Variants in AK8 observed in about 807,000 individuals in gnomAD.
AK8 encodes the protein adenylate kinase 8.
In AK8, 44 loss-of-function variants were observed where a neutral mutation model predicts 54.6. The ratio of observed to expected loss-of-function variants is 0.81; its 90% CI spans 0.63 to 1.04. The LOEUF (loss-of-function observed/expected upper bound fraction) is 1.04. AK8 is among the 50% of genes least tolerant of loss of function. The pLI, the probability that AK8 is intolerant of heterozygous loss-of-function variation, is 0.00. For synonymous variants in AK8, 239 were observed against 245.6 expected, an observed-to-expected ratio of 0.97 and a Z score of 0.25; for missense variants, 555 against 613.6, an observed-to-expected ratio of 0.90 and a Z score of 1.01.
At chr9:132,745,659 G>C (rs1240991321) in intron 11 of AK8, among the ~76,000 whole-genome samples, 2 of 152,086 alleles carry the variant, frequency 1.3e-5, no homozygotes, top group African/African-American at 4.8e-5. Flanking sequence ...TTTCTTTCCG[G>C]GTAGTGGAGG....
intron 4 of AK8, among the ~76,000 whole-genome samples, chr9:132,855,957 A>G (rs1843157339): frequency 6.6e-6 from 1 of 152,102 alleles, no homozygotes; most frequent in Non-Finnish European, 1.5e-5. Flanking sequence ...ACTCCTGACC[A>G]CTGTGATTGA....
intron 11 of AK8, among the ~76,000 whole-genome samples, chr9:132,774,834 T>C (rs1839138088): frequency 6.6e-6 from 1 of 152,202 alleles, no homozygotes; most frequent in African/African-American, 2.4e-5. Flanking sequence ...GGCATGTTTA[T>C]CTTCTCCAAT....
intron 8 of AK8, among the ~76,000 whole-genome samples, chr9:132,825,812 A>G (rs1223900076): frequency 6.6e-6 from 1 of 152,224 alleles, no homozygotes; most frequent in Non-Finnish European, 1.5e-5. Flanking sequence ...GAGAGAATAT[A>G]TGAAAAAAAG....
intron 10 of AK8, among the ~76,000 whole-genome samples, chr9:132,794,736 T>C (rs976658936): frequency 6.6e-6 from 1 of 152,198 alleles, no homozygotes; most frequent in Non-Finnish European, 1.5e-5. Context: ...ATCAACTCTG[T>C]TAAAATCAAC....
rs55856402 is a variant in AK8, at chr9:132,840,406, TCACACACACA to T, written c.403-11690_403-11681del. Among the ~76,000 whole-genome samples, 356 of 143,134 alleles carry T rather than the reference TCACACACACA, an allele frequency of 2.5e-3. 1 individual carries two copies. Among genetic ancestry groups the T allele is most frequent in the African/African-American group, 7.0e-3 (269 of 38,366 alleles). 93.9% of individuals were successfully genotyped at this position (143,134 alleles called of 152,430 possible). A position where few individuals can be genotyped will look rare whatever the true frequency, so the allele number is the denominator to read the frequency against. On this transcript the variant is annotated intron_variant, in intron 5 of 12. Transcript: ENST00000298545. ...GTGGGACTCAATCCCAAGTGGACAC[TCACACACACA>T]CACACACACACACACACACACACAC...
chr9:132,878,845 G>A, upstream of AK8: 1 of 896,132 alleles, frequency 1.1e-6, no homozygotes, highest in Non-Finnish European at 1.3e-6. This position sits in a 1 kb window ranked among gnomAD's most constrained non-coding sequence, Gnocchi z 4.7. Flanking sequence ...GGCACCGGCG[G>A]TAACAATCAC....
In AK8 at chr9:132,866,779, AAGG is replaced by A. The variant is rs1156269935; in HGVS notation, c.219+122_219+124del. 6.5e-6 allele frequency: 6 copies of A among 929,416 alleles called. No homozygotes were observed. In the African/African-American group the frequency reaches 6.7e-5, roughly 10 times the overall value. 57.6% of individuals were successfully genotyped at this position (929,416 alleles called of 1,614,324 possible). A position where few individuals can be genotyped will look rare whatever the true frequency, so the allele number is the denominator to read the frequency against. On this transcript the variant is annotated intron_variant, in intron 3 of 12. Coordinates refer to ENST00000298545, the MANE Select transcript of AK8 (RefSeq NM_152572.3). ...AATACACACTACCTTTTGTAATAAG[AAGG>A]AGGAGAAGGAAAAGAAGAAAAGCTC...
intron 11 of AK8, among the ~76,000 whole-genome samples, chr9:132,767,914 T>C (rs995191014): frequency 6.6e-6 from 1 of 152,078 alleles, no homozygotes; most frequent in African/African-American, 2.4e-5. Flanking sequence ...GTTGATCTCA[T>C]GGAGGTAGAG....
At chr9:132,828,343 G>A (rs1841965030) in intron 6 of AK8, among the ~76,000 whole-genome samples, 2 of 152,170 alleles carry the variant, frequency 1.3e-5, no homozygotes, top group African/African-American at 2.4e-5. Context: ...CACAGATAAC[G>A]CCACAATGGG....
At chr9:132,762,207 T>G (rs756276904) in intron 11 of AK8, among the ~76,000 whole-genome samples, 25 of 152,144 alleles carry the variant, frequency 1.6e-4, no homozygotes, top group Admixed American at 5.9e-4. Flanking sequence ...TGCTAGAGAT[T>G]TGTCGGTTTA....
intron 5 of AK8, among the ~76,000 whole-genome samples, chr9:132,847,364 C>A (rs1842791671): frequency 6.6e-6 from 1 of 152,212 alleles, no homozygotes; most frequent in African/African-American, 2.4e-5. Flanking sequence ...GATGGTGGCT[C>A]ATGAGTATGC....
intron 11 of AK8, among the ~76,000 whole-genome samples, chr9:132,751,985 T>C (rs1837948754): frequency 2.0e-5 from 3 of 151,022 alleles, no homozygotes; most frequent in Non-Finnish European, 4.4e-5. Context: ...ACTATAGGCA[T>C]GCAGCACCAC....
Position 132,781,148 on chromosome 9 carries a change from GTTCT to G in AK8, c.1121+11482_1121+11485del, listed in dbSNP as rs1365732829. Among the ~76,000 whole-genome samples, 3 of 150,852 alleles carry G rather than the reference GTTCT, an allele frequency of 2.0e-5. No homozygotes were observed. Among genetic ancestry groups the G allele is most frequent in the African/African-American group, 7.3e-5 (3 of 41,362 alleles). On this transcript the variant is annotated intron_variant, in intron 11 of 12. Coordinates refer to ENST00000298545, the MANE Select transcript of AK8 (RefSeq NM_152572.3). This position sits in a 1 kb window ranked among gnomAD's most constrained non-coding sequence, Gnocchi z 4.6. ...GTTTCTGGATGCAGCCATGAACATAGTTCTTTCTTTGTTTCTTTCTTTCTTTCTT... is the reference window on the plus strand; with the variant it reads ...GTTTCTGGATGCAGCCATGAACATAGTTCTTTGTTTCTTTCTTTCTTTCTT...
rs1237835613 is a variant in AK8 at position 132,803,515 on chromosome 9, C to CTGG, written c.980-10741_980-10740insCCA. ...ATGGTGAGTAATCAGTGATTACAAC[C>CTGG]AGTGACCATAGTAAGTAATTAGTGA... is the stretch of plus-strand genomic sequence containing the variant. On this transcript the variant is annotated intron_variant, in intron 10 of 12. Transcript: ENST00000298545. The surrounding 1 kb of genome is among the most constrained non-coding windows in gnomAD (Gnocchi z 4.4). 1.2e-4 allele frequency among the ~76,000 whole-genome samples: 19 copies of CTGG among 152,292 alleles called. No individual in the cohort carries two copies. In the East Asian group the frequency reaches 3.3e-3, roughly 26 times the overall value.
At chr9:132,839,998 A>G (rs1842474532) in intron 5 of AK8, among the ~76,000 whole-genome samples, 1 of 151,930 alleles carries the variant, frequency 6.6e-6, no homozygotes, top group Non-Finnish European at 1.5e-5. Flanking sequence ...TTGTGTTTTT[A>G]GTAGAGACAG....
chr9:132,841,882 A>G (rs1301995483), intron 5 of AK8, among the ~76,000 whole-genome samples: 2 of 152,040 alleles, frequency 1.3e-5, no homozygotes, highest in Admixed American at 6.6e-5. Context: ...GAGACAGAAA[A>G]TCTCCTGGCA....
At chr9:132,818,875 A>G (rs1294005422) in intron 9 of AK8, among the ~76,000 whole-genome samples, 1 of 152,156 alleles carries the variant, frequency 6.6e-6, no homozygotes, top group Admixed American at 6.6e-5. Context: ...AGACCCAACT[A>G]TATGCTGTTT....
intron 11 of AK8, among the ~76,000 whole-genome samples, chr9:132,733,335 T>A (rs182403597): frequency 6.6e-6 from 1 of 152,216 alleles, no homozygotes; most frequent in East Asian, 1.9e-4. Flanking sequence ...CCCCCGGTAC[T>A]GCAAGGCCCA....
At chr9:132,752,919 T>G (rs1413760319) in intron 11 of AK8, among the ~76,000 whole-genome samples, 1 of 152,212 alleles carries the variant, frequency 6.6e-6, no homozygotes, top group Non-Finnish European at 1.5e-5. Context: ...AGCAGGTATT[T>G]CTGCTCTGTT....
Sources: gnomAD v4.1 joint callset for allele counts (sites outside exome capture counted in the v4.1 genomes callset) on GRCh38, gnomAD v4.1.1 for gene constraint, Gnocchi (gnomAD v3.1) non-coding constraint, MANE v1.5 for transcripts, NCBI Gene and HGNC (gene_info 2026-07-23, HGNC 2026-07-21) for gene names.